The following CLEC16A variants were observed in gnomAD, a reference collection of about 807,000 sequenced individuals.
CLEC16A encodes C-type lectin domain containing 16A.
In CLEC16A, 51 loss-of-function variants were observed where a neutral mutation model predicts 109.5. That is an observed-to-expected ratio of 0.47 (90% CI 0.37 to 0.59). The LOEUF is 0.59. Among genes scored for constraint, CLEC16A ranks in the 20% least tolerant of loss-of-function variants. CLEC16A has a pLI of 0.00. For missense variants in CLEC16A, 1,339 were observed against 1,394.0 expected (o/e 0.96, Z 0.63); for synonymous variants, 673 against 564.2 (o/e 1.19, Z -2.73).
At chr16:11,125,472 A>G (rs1409472726) in intron 21 of CLEC16A, among the ~76,000 whole-genome samples, 2 of 152,200 alleles carry the variant, frequency 1.3e-5, no homozygotes, top group African/African-American at 4.8e-5. Flanking sequence ...AGGTTTATTT[A>G]TGGAAGGGAG....
intron 6 of CLEC16A, 71 bp from the exon 7 acceptor site, chr16:10,972,867 G>GC: frequency 7.8e-7 from 1 of 1,280,800 alleles, no homozygotes; most frequent in Admixed American, 3.0e-5. Flanking sequence ...CTTTGTTTTT[G>GC]TTTTTTTTTT....
intron 10 of CLEC16A, among the ~76,000 whole-genome samples, chr16:10,992,476 C>T (rs975751657): frequency 1.3e-5 from 2 of 151,646 alleles, no homozygotes; most frequent in African/African-American, 4.8e-5. Flanking sequence ...ACATGACGTA[C>T]ACATATATTA....
intron 1 of CLEC16A, among the ~76,000 whole-genome samples, 198 bp downstream of exon 1, chr16:10,944,995 C>T (rs1346718119): frequency 6.6e-6 from 1 of 152,222 alleles, no homozygotes; most frequent in African/African-American, 2.4e-5. Flanking sequence ...GGCTGTGTGA[C>T]CTTGGACAAG....
intron 22 of CLEC16A, chr16:11,156,798 C>T (rs1321478896): frequency 1.7e-5 from 10 of 589,788 alleles, no homozygotes; most frequent in Admixed American, 1.1e-4. Flanking sequence ...TGCACCACTG[C>T]GAGAGATTCC....
At chr16:11,018,016 A>G (rs1056440515) in intron 11 of CLEC16A, among the ~76,000 whole-genome samples, 4 of 142,054 alleles carry the variant, frequency 2.8e-5, no homozygotes, top group African/African-American at 5.3e-5. Context: ...AAAAAAAAAA[A>G]GGCAGGTGAA....
chr16:11,013,015 C>T (rs893611802), intron 11 of CLEC16A, among the ~76,000 whole-genome samples: 11 of 152,140 alleles, frequency 7.2e-5, no homozygotes, highest in African/African-American at 1.7e-4. Flanking sequence ...CAAACTCACA[C>T]GCCCCCACAC....
At chr16:11,031,155 T>C (rs2046719622) in intron 13 of CLEC16A, among the ~76,000 whole-genome samples, 2 of 152,360 alleles carry the variant, frequency 1.3e-5, no homozygotes, top group South Asian at 4.1e-4. Flanking sequence ...GCCTACCGCC[T>C]GGCACTCAGT....
At chr16:10,958,777 G>A (rs1365688200) in intron 2 of CLEC16A, among the ~76,000 whole-genome samples, 1 of 152,224 alleles carries the variant, frequency 6.6e-6, no homozygotes, top group African/African-American at 2.4e-5. Flanking sequence ...GGTTGTGTGT[G>A]CCTGTGTTCC....
chr16:11,121,412 TTTAAGTGTTAGTAGACACTGCCA>T (rs2052400227), intron 20 of CLEC16A, among the ~76,000 whole-genome samples: 1 of 152,186 alleles, frequency 6.6e-6, no homozygotes, highest in Non-Finnish European at 1.5e-5. Flanking sequence ...GTGTACTAAT[TTTAAGTGTTAGTAGACACTGCCA>T]AATACCACTC....
At chr16:10,988,021 T>G (rs1443099228) in intron 10 of CLEC16A, among the ~76,000 whole-genome samples, 1 of 152,258 alleles carries the variant, frequency 6.6e-6, no homozygotes, top group African/African-American at 2.4e-5. Context: ...TTGAAATTCA[T>G]CTGTGCGTTA....
chr16:11,082,922 C>T (rs1268441726), intron 19 of CLEC16A, among the ~76,000 whole-genome samples: 1 of 152,142 alleles, frequency 6.6e-6, no homozygotes, highest in Non-Finnish European at 1.5e-5. Context: ...AGAGTGGGAG[C>T]TCCCCATCTA....
chr16:11,118,919 T>C (rs1597446320), intron 19 of CLEC16A, among the ~76,000 whole-genome samples: 1 of 152,230 alleles, frequency 6.6e-6, no homozygotes, highest in South Asian at 2.1e-4. Context: ...TATGTTCTTA[T>C]CAGTTTCATT....
chr16:10,947,362 G>A (rs867246408), intron 1 of CLEC16A, among the ~76,000 whole-genome samples: 3 of 152,332 alleles, frequency 2.0e-5, no homozygotes, highest in Admixed American at 6.5e-5. Context: ...AGGCTGGTGG[G>A]GGAGACAGCT....
At chr16:11,083,364 A>G (rs1268592814) in intron 19 of CLEC16A, among the ~76,000 whole-genome samples, 1 of 152,048 alleles carries the variant, frequency 6.6e-6, no homozygotes, top group Non-Finnish European at 1.5e-5. Flanking sequence ...GTATTTTGCC[A>G]TTTTGCCCAG....
intron 13 of CLEC16A, among the ~76,000 whole-genome samples, chr16:11,027,936 C>T (rs549284028): frequency 1.3e-5 from 2 of 152,342 alleles, no homozygotes; most frequent in East Asian, 1.9e-4. Context: ...CGTTGTGGCT[C>T]ACGCCCGTAA....
chr16:11,014,162 T>G (rs143363545), intron 11 of CLEC16A, among the ~76,000 whole-genome samples: 23 of 152,348 alleles, frequency 1.5e-4, no homozygotes, highest in Admixed American at 5.9e-4. Context: ...TGTTTCTTTC[T>G]GTAAAAATAA....
At chr16:10,995,948 C>G in intron 10 of CLEC16A, among the ~76,000 whole-genome samples, 1 of 152,316 alleles carries the variant, frequency 6.6e-6, no homozygotes, top group Middle Eastern at 3.4e-3. Context: ...TTGATTATCA[C>G]AACAGCTTTG....
intron 18 of CLEC16A, among the ~76,000 whole-genome samples, chr16:11,054,296 G>C (rs1478817660): frequency 6.6e-6 from 1 of 152,240 alleles, no homozygotes; most frequent in Admixed American, 6.5e-5. Flanking sequence ...GTTGCTTCTT[G>C]TCTACTCTGA....
intron 22 of CLEC16A, among the ~76,000 whole-genome samples, chr16:11,151,356 G>A (rs930641699): frequency 1.8e-4 from 28 of 152,200 alleles, no homozygotes; most frequent in Non-Finnish European, 4.4e-5. Context: ...AGAGTAGGGG[G>A]ATGCCCACCT....
Sources: allele counts gnomAD v4.1 joint callset (sites outside exome capture counted in the v4.1 genomes callset), GRCh38; gene constraint gnomAD v4.1.1; transcripts MANE v1.5; gene names NCBI Gene and HGNC (gene_info 2026-07-23, HGNC 2026-07-21).